The following POU2F2 variants were observed in gnomAD, a reference collection of about 807,000 sequenced individuals.
POU2F2 encodes the protein POU class 2 homeobox 2.
A neutral mutation model predicts 63.5 loss-of-function variants in POU2F2; 14 were observed. The observed-to-expected ratio is 0.22, with a 90% CI of 0.15 to 0.34. The LOEUF is 0.34. POU2F2 is among the 10% of genes least tolerant of loss of function. The probability of loss-of-function intolerance (pLI) is 1.00; values close to 1 mark genes in which losing one functional copy is unlikely to be tolerated. For missense variants in POU2F2, 607 were observed against 815.2 expected (o/e 0.74, Z 3.11); for synonymous variants, 306 against 348.6 (o/e 0.88, Z 1.36).
At chr19:42,144,121 G>C (rs1333049950) in intron 2 of POU2F2, among the ~76,000 whole-genome samples, 1 of 152,098 alleles carries the variant, frequency 6.6e-6, no homozygotes, top group Non-Finnish European at 1.5e-5. Flanking sequence ...CCCATCACTG[G>C]GCTGGATGGA....
At position 42,156,520 on chromosome 19, in the gene POU2F2, C is replaced by CAA. The variant is rs1252374013; in HGVS notation, c.-9+3811_-9+3812insTT. On this transcript the variant is annotated intron_variant, in intron 2 of 6. Coordinates refer to the POU2F2 transcript ENST00000524801. The surrounding 1 kb of genome is among the most constrained non-coding windows in gnomAD (Gnocchi z 4.1). ...TAGGTCCCACCACACGGCCATAGCC[C>CAA]ACCAGCATCCCAGAGCTGCCTCTAC... 1.3e-5 allele frequency: 2 copies of CAA among 153,004 alleles called. No homozygotes were observed. The highest frequency in any genetic ancestry group is 2.9e-5 in the Non-Finnish European group (2 of 68,442). 9.5% of individuals were successfully genotyped at this position (153,004 alleles called of 1,614,324 possible). A position where few individuals can be genotyped will look rare whatever the true frequency, so the allele number is the denominator to read the frequency against.
chr19:42,171,017 T>C (rs1002373080), intron 1 of POU2F2, among the ~76,000 whole-genome samples: 1 of 152,266 alleles, frequency 6.6e-6, no homozygotes, highest in Non-Finnish European at 1.5e-5. Context: ...TGAATCTCCC[T>C]TACCTGGCAG....
chr19:42,187,153 A>C (rs919791648), intron 1 of POU2F2, among the ~76,000 whole-genome samples: 1 of 152,148 alleles, frequency 6.6e-6, no homozygotes, highest in Non-Finnish European at 1.5e-5. Context: ...AGAGCCCAGG[A>C]GAAGTGCCAC....
In POU2F2 at chr19:42,153,743, CTGTG is replaced by C. The variant is rs933537588; in HGVS notation, c.-9+6585_-9+6588del. ...TGGGCTGGAGGCTCTGGGTGTGTCC[CTGTG>C]TGTGTCATGGTGACTTGGTGTAGAC... On this transcript the variant is annotated intron_variant, in intron 2 of 6. Transcript: ENST00000524801. This position sits in a 1 kb window ranked among gnomAD's most constrained non-coding sequence, Gnocchi z 5.6. 1.1e-4 allele frequency among the ~76,000 whole-genome samples: 17 copies of C among 152,012 alleles called. No individual in the cohort carries two copies. Among genetic ancestry groups the C allele is most frequent in the Non-Finnish European group, 2.4e-4 (16 of 67,996 alleles).
At chr19:42,177,974 G>A (rs2034916254), upstream of POU2F2, among the ~76,000 whole-genome samples, 2 of 151,796 alleles carry the variant, frequency 1.3e-5, no homozygotes, top group South Asian at 4.2e-4. Context: ...AGAGAAGGGT[G>A]GGGAGCACAG....
At chr19:42,138,146 G>T (rs1178447165) in intron 2 of POU2F2, among the ~76,000 whole-genome samples, 1 of 152,212 alleles carries the variant, frequency 6.6e-6, no homozygotes, top group Non-Finnish European at 1.5e-5. Context: ...CCGCAGTGAA[G>T]AACCAGAGGA....
chr19:42,151,615 T>C (rs1018198934), intron 2 of POU2F2, among the ~76,000 whole-genome samples: 1 of 151,634 alleles, frequency 6.6e-6, no homozygotes, highest in Non-Finnish European at 1.5e-5. Flanking sequence ...CAAGGTCGGA[T>C]GGGGGTGGGG....
chr19:42,147,960 C>A (rs1237406910), intron 2 of POU2F2, among the ~76,000 whole-genome samples: 1 of 152,122 alleles, frequency 6.6e-6, no homozygotes, highest in Non-Finnish European at 1.5e-5. Flanking sequence ...ACAGGAGAAG[C>A]CCCCTTCCCA....
intron 1 of POU2F2, among the ~76,000 whole-genome samples, chr19:42,185,254 C>T (rs1381519406): frequency 6.6e-6 from 1 of 152,102 alleles, no homozygotes; most frequent in East Asian, 1.9e-4. Flanking sequence ...TGTCCTAGTT[C>T]AGGCCTCCAC....
rs756588716 is a variant in POU2F2 at position 42,091,599 on chromosome 19, GGA to G, written c.1541-10_1541-9del. ...TTCCACCAGAGGCCAGGGCTGGCGGGGAGAGAGAGAGGCTGGGCTAAGGGCAT... is the reference window on the plus strand; with the variant it reads ...TTCCACCAGAGGCCAGGGCTGGCGGGGAGAGAGAGGCTGGGCTAAGGGCAT... On this transcript the variant is annotated splice_polypyrimidine_tract_variant and intron_variant, in intron 14 of 14. Transcript: ENST00000692977. 45 of 1,543,904 alleles carry G rather than the reference GGA, an allele frequency of 2.9e-5. No individual in the cohort carries two copies. Among genetic ancestry groups the G allele is most frequent in the East Asian group, 7.2e-5 (3 of 41,786 alleles).
At chr19:42,116,061 C>T (rs910453787) in intron 5 of POU2F2, among the ~76,000 whole-genome samples, 2 of 152,190 alleles carry the variant, frequency 1.3e-5, no homozygotes, top group South Asian at 2.1e-4. Context: ...AGAGAGAGCA[C>T]GGCCCTGCCG....
chr19:42,197,716 G>C (rs912923636), upstream of POU2F2, among the ~76,000 whole-genome samples: 1 of 152,188 alleles, frequency 6.6e-6, no homozygotes, highest in Non-Finnish European at 1.5e-5. Flanking sequence ...AGAAAGAACA[G>C]AGATCCAGGT....
At chr19:42,112,474 A>C (rs1049146032) in intron 5 of POU2F2, among the ~76,000 whole-genome samples, 1 of 152,054 alleles carries the variant, frequency 6.6e-6, no homozygotes, top group Non-Finnish European at 1.5e-5. Context: ...GGTTCAAGCA[A>C]TTCTCTTGCC....
upstream of POU2F2, among the ~76,000 whole-genome samples, chr19:42,179,654 G>A (rs539538958): frequency 3.3e-5 from 5 of 152,206 alleles, no homozygotes; most frequent in African/African-American, 9.6e-5. Context: ...GAGTGGACAC[G>A]CGGGACCCTC....
At chr19:42,151,186 C>T (rs1469988914) in intron 2 of POU2F2, among the ~76,000 whole-genome samples, 2 of 152,256 alleles carry the variant, frequency 1.3e-5, no homozygotes, top group South Asian at 2.1e-4. Context: ...CAGGCCACGT[C>T]CCCTCAGCTT....
chr19:42,100,616 TG>T (rs901958150), intron 5 of POU2F2, among the ~76,000 whole-genome samples: 8 of 151,670 alleles, frequency 5.3e-5, no homozygotes, highest in African/African-American at 1.7e-4. Flanking sequence ...CCAGGTGTGG[TG>T]GTACACGCCT....
At chr19:42,145,120 C>T (rs1006648816) in intron 2 of POU2F2, among the ~76,000 whole-genome samples, 1 of 152,236 alleles carries the variant, frequency 6.6e-6, no homozygotes, top group Non-Finnish European at 1.5e-5. Context: ...TGCCAGACCA[C>T]ACCACCAGTA....
chr19:42,092,241 G>A lies in POU2F2; in HGVS notation c.1294C>T (p.Leu432Phe), dbSNP rs1362520517. ...CCTCCAGCTGTCCGGCTGGGGTGGA[G>A]CGTCCCCACAGCTGAGGATAAGGTA... ...VTTLSSAVGT[L>F]HPSRTAGGGG... Residue 432 changes from leucine (L) to phenylalanine (F), a missense_variant, in exon 13 of 15, where the codon CTC becomes TTC. Coordinates refer to ENST00000692977, the MANE Select transcript of POU2F2 (RefSeq NM_001394376.1). The surrounding 1 kb of genome is among the most constrained non-coding windows in gnomAD (Gnocchi z 5.0). 5 of 1,564,696 alleles carry A rather than the reference G, an allele frequency of 3.2e-6. No homozygotes were observed. The South Asian group carries it at 5.9e-5, about 18-fold the overall frequency.
In POU2F2 at chr19:42,086,573, G is replaced by T. The variant is rs2076554668; in HGVS notation, c.*4684C>A. The T allele has an allele frequency of 6.6e-6, 1 of 152,354 alleles. No individual in the cohort carries two copies. The highest frequency in any genetic ancestry group is 2.1e-4 in the South Asian group (1 of 4,822). The allele number at this position is 152,354 out of a possible 1,614,324, so 9.4% of individuals were successfully genotyped here. On this transcript the variant is annotated 3_prime_UTR_variant, in exon 15 of 15. Transcript: ENST00000692977. ...TTGCCCTAGTGCAGCCCTGGATTTGGAAGGTGATGGTGGAAGCAGTGGGAC... is the reference window on the plus strand; with the variant it reads ...TTGCCCTAGTGCAGCCCTGGATTTGTAAGGTGATGGTGGAAGCAGTGGGAC...
Sources: gnomAD v4.1 joint callset for allele counts (sites outside exome capture counted in the v4.1 genomes callset) on GRCh38, gnomAD v4.1.1 for gene constraint, Gnocchi (gnomAD v3.1) non-coding constraint, MANE v1.5 for transcripts, NCBI Gene and HGNC (gene_info 2026-07-23, HGNC 2026-07-21) for gene names.